The following NOL4 variants were observed in gnomAD, a reference collection of about 807,000 sequenced individuals.
NOL4 encodes cancer/testis antigen 125.
In NOL4, 17 loss-of-function variants were observed where a neutral mutation model predicts 75.9. The observed-to-expected ratio is 0.22, with a 90% confidence interval of 0.15 to 0.34. NOL4 has a LOEUF of 0.34. NOL4 is among the 10% of genes least tolerant of loss of function. The pLI is 1.00. For synonymous variants in NOL4, 292 were observed against 289.9 expected, an observed-to-expected ratio of 1.01 and a Z score of -0.07; for missense variants, 614 against 793.5, an observed-to-expected ratio of 0.77 and a Z score of 2.72.
At position 33,852,270 on chromosome 18, in the gene NOL4, A is replaced by C. The variant is rs571507731; in HGVS notation, c.*572T>G. On this transcript the variant is annotated 3_prime_UTR_variant, in exon 11 of 11. Coordinates refer to ENST00000261592, the MANE Select transcript of NOL4 (RefSeq NM_003787.5). ...AAAGGTACTTACAGTAGTTTCTCAAAACAGTTTTCTTTTAGGACCTATGAA... is the reference window on the plus strand; with the variant it reads ...AAAGGTACTTACAGTAGTTTCTCAACACAGTTTTCTTTTAGGACCTATGAA... 1.3e-5 allele frequency: 2 copies of C among 152,620 alleles called. No individual in the cohort carries two copies. The highest frequency in any genetic ancestry group is 4.1e-4 in the South Asian group (2 of 4,824). The allele number at this position is 152,620 out of a possible 1,614,324, so 9.5% of individuals were successfully genotyped here.
chr18:33,963,201 C>G lies in NOL4; in HGVS notation c.1057-4783G>C, dbSNP rs73955091. Among the ~76,000 whole-genome samples the G allele has an allele frequency of 7.9e-3, 1,196 of 152,282 alleles. 12 individuals carry two copies. The highest frequency in any genetic ancestry group is 0.027 in the African/African-American group (1,128 of 41,554). ...AAACACTATAATTGTTCTCTACTTTCCATATTAATTTGCATTTTTCTTCAA... is the reference window on the plus strand; with the variant it reads ...AAACACTATAATTGTTCTCTACTTTGCATATTAATTTGCATTTTTCTTCAA... On this transcript the variant is annotated intron_variant, in intron 6 of 10. Transcript: ENST00000261592.
chr18:34,017,963 A>C (rs1314199240), intron 6 of NOL4, among the ~76,000 whole-genome samples: 1 of 152,178 alleles, frequency 6.6e-6, no homozygotes, highest in Non-Finnish European at 1.5e-5. Flanking sequence ...AGAGGTAGAA[A>C]AGTCACTTCA....
rs73414326 is a variant in NOL4, at chr18:33,867,300, A to G, written c.1724-14265T>C. On this transcript the variant is annotated intron_variant, in intron 10 of 10. Coordinates refer to ENST00000261592, the MANE Select transcript of NOL4 (RefSeq NM_003787.5). ...TCATTTGGAGATTAAACTTGTGTTC[A>G]AGTTCAAACTCATTAGTAAATTTTT... Among the ~76,000 whole-genome samples, 843 of 152,240 alleles carry G rather than the reference A, an allele frequency of 5.5e-3. 12 individuals carry two copies. The highest frequency in any genetic ancestry group is 0.019 in the African/African-American group (794 of 41,556).
chr18:33,869,810 CAT>C (rs1340511057), intron 10 of NOL4, among the ~76,000 whole-genome samples: 4 of 152,138 alleles, frequency 2.6e-5, no homozygotes, highest in South Asian at 4.1e-4. Context: ...ATGTAGAACA[CAT>C]GTGTCTGACT....
chr18:33,873,932 G>T (rs1229068408), intron 10 of NOL4, among the ~76,000 whole-genome samples: 1 of 151,942 alleles, frequency 6.6e-6, no homozygotes, highest in African/African-American at 2.4e-5. Flanking sequence ...GAACATAATA[G>T]CTGATATGAG....
Position 34,026,996 on chromosome 18 carries a change from T to C in NOL4, c.773-7395A>G, listed in dbSNP as rs12326308. On this transcript the variant is annotated intron_variant, in intron 5 of 10. Transcript: ENST00000261592. ...TGAAAAAGACAGATGCTATGTTATG[T>C]AGGGGAAGAAAATGAATTAATTTTA... Among the ~76,000 whole-genome samples the C allele has an allele frequency of 1.4e-3, 206 of 152,290 alleles. 1 individual carries two copies. The highest frequency in any genetic ancestry group is 4.8e-3 in the African/African-American group (198 of 41,564).
intron 9 of NOL4, among the ~76,000 whole-genome samples, chr18:33,917,203 C>A (rs766817877): frequency 3.3e-5 from 5 of 151,946 alleles, no homozygotes; most frequent in African/African-American, 1.2e-4. Flanking sequence ...AAAGAAATGA[C>A]GGGCACAGTT....
intron 10 of NOL4, among the ~76,000 whole-genome samples, chr18:33,862,533 C>T (rs558246468): frequency 5.3e-5 from 8 of 151,982 alleles, no homozygotes; most frequent in Non-Finnish European, 1.0e-4. Flanking sequence ...TGACAAAGGG[C>T]TAATATCCAG....
chr18:34,082,648 T>C (rs931503134), intron 5 of NOL4, among the ~76,000 whole-genome samples: 2 of 152,154 alleles, frequency 1.3e-5, no homozygotes, highest in African/African-American at 4.8e-5. Flanking sequence ...AGAGTAGGCA[T>C]GTCCTCACAG....
At chr18:33,986,162 T>C (rs1185718374) in intron 6 of NOL4, among the ~76,000 whole-genome samples, 10 of 152,148 alleles carry the variant, frequency 6.6e-5, no homozygotes. Flanking sequence ...AACCATGTTA[T>C]ATTCTCTTAT....
At chr18:34,094,721 T>C (rs1325058279) in intron 4 of NOL4, among the ~76,000 whole-genome samples, 1 of 152,224 alleles carries the variant, frequency 6.6e-6, no homozygotes, top group Non-Finnish European at 1.5e-5. Context: ...AACACGAATA[T>C]AATAATCAGC....
chr18:33,885,032 A>C (rs750918064), intron 9 of NOL4, among the ~76,000 whole-genome samples: 3 of 152,158 alleles, frequency 2.0e-5, no homozygotes, highest in Non-Finnish European at 4.4e-5. Context: ...GTAAGACTAT[A>C]AAATAAACAG....
chr18:34,169,195 A>G (rs762803384), intron 1 of NOL4, among the ~76,000 whole-genome samples: 18 of 151,990 alleles, frequency 1.2e-4, no homozygotes, highest in Non-Finnish European at 2.7e-4. Context: ...CACTTTAAAT[A>G]TAATTGATAT....
At chr18:33,955,319 G>A (rs185435208) in intron 8 of NOL4, among the ~76,000 whole-genome samples, 8 of 152,124 alleles carry the variant, frequency 5.3e-5, no homozygotes, top group African/African-American at 1.7e-4. Flanking sequence ...GGGAAACTAT[G>A]TATTGAAAAC....
chr18:34,220,755 C>G (rs13381250), intron 1 of NOL4, among the ~76,000 whole-genome samples: 1 of 152,046 alleles, frequency 6.6e-6, no homozygotes, highest in Non-Finnish European at 1.5e-5. Context: ...TCAAAACAGG[C>G]TTGAATGAAA....
intron 1 of NOL4, among the ~76,000 whole-genome samples, chr18:34,182,160 A>C (rs1488093604): frequency 2.0e-5 from 3 of 151,624 alleles, no homozygotes; most frequent in Non-Finnish European, 4.4e-5. Context: ...AACAACTCAA[A>C]CTTCTATCAA....
At chr18:33,934,375 G>A (rs2067915260) in intron 9 of NOL4, among the ~76,000 whole-genome samples, 1 of 152,134 alleles carries the variant, frequency 6.6e-6, no homozygotes, top group African/African-American at 2.4e-5. Flanking sequence ...TAACAGTAGA[G>A]CAGCCTGTCC....
intron 5 of NOL4, among the ~76,000 whole-genome samples, chr18:34,061,020 A>T (rs576265359): frequency 9.2e-5 from 14 of 152,316 alleles, no homozygotes; most frequent in African/African-American, 3.4e-4. Context: ...AGAAGATAGA[A>T]CTTCAAAATT....
At chr18:34,165,160 G>A (rs1033553081) in intron 1 of NOL4, among the ~76,000 whole-genome samples, 1 of 151,736 alleles carries the variant, frequency 6.6e-6, no homozygotes, top group Non-Finnish European at 1.5e-5. Flanking sequence ...GTTAATGGGT[G>A]CAGCACAACA....
Sources: gnomAD v4.1 joint callset for allele counts (sites outside exome capture counted in the v4.1 genomes callset) on GRCh38, gnomAD v4.1.1 for gene constraint, MANE v1.5 for transcripts, NCBI Gene and HGNC (gene_info 2026-07-23, HGNC 2026-07-21) for gene names.